The following SMYD3 variants were observed in gnomAD, a reference collection of about 807,000 sequenced individuals.
SMYD3 encodes the protein SET and MYND domain containing 3.
A neutral mutation model predicts 57.7 loss-of-function variants in SMYD3; 36 were observed. The observed-to-expected ratio is 0.62, with a 90% CI of 0.48 to 0.82. SMYD3 has a LOEUF of 0.82. Ranked by LOEUF, SMYD3 falls within the 40% of genes least tolerant of loss-of-function variation. SMYD3 has a pLI of 0.00. For missense variants in SMYD3, 515 were observed against 538.8 expected (o/e 0.96, Z 0.44); for synonymous variants, 211 against 195.0 (o/e 1.08, Z -0.68).
chr1:246,032,384 T>C (rs546082547), intron 5 of SMYD3, among the ~76,000 whole-genome samples: 3 of 152,272 alleles, frequency 2.0e-5, no homozygotes, highest in Admixed American at 2.0e-4. Context: ...TACCCACATA[T>C]TTGCCGCTAA....
chr1:246,050,133 ATC>A, intron 5 of SMYD3, among the ~76,000 whole-genome samples: 1 of 152,248 alleles, frequency 6.6e-6, no homozygotes, highest in African/African-American at 2.4e-5. Flanking sequence ...GAAATGAAAG[ATC>A]AGAGGTTCCA....
intron 5 of SMYD3, among the ~76,000 whole-genome samples, chr1:246,016,385 C>T (rs181581573): frequency 6.6e-4 from 100 of 152,098 alleles, no homozygotes; most frequent in Middle Eastern, 3.4e-3. Flanking sequence ...GAGTTCAGGA[C>T]CAGCTTGGTC....
intron 1 of SMYD3, among the ~76,000 whole-genome samples, chr1:246,374,113 G>A (rs2066233200): frequency 6.6e-6 from 1 of 152,094 alleles, no homozygotes; most frequent in Non-Finnish European, 1.5e-5. Flanking sequence ...AGGGAGAGGA[G>A]ATTGCCAGAG....
At chr1:246,014,397 G>A (rs1237543589) in intron 5 of SMYD3, among the ~76,000 whole-genome samples, 1 of 152,140 alleles carries the variant, frequency 6.6e-6, no homozygotes, top group East Asian at 1.9e-4. Flanking sequence ...ATTTCCTGGT[G>A]GTCAGATAAT....
intron 1 of SMYD3, among the ~76,000 whole-genome samples, chr1:246,359,756 A>G (rs2065959992): frequency 6.6e-6 from 1 of 152,234 alleles, no homozygotes; most frequent in South Asian, 2.1e-4. Context: ...GACAAAATTC[A>G]GCATTCCTTT....
intron 1 of SMYD3, among the ~76,000 whole-genome samples, chr1:246,411,771 A>G (rs2066974186): frequency 1.4e-5 from 2 of 145,436 alleles, no homozygotes; most frequent in South Asian, 4.6e-4. Context: ...TGGGAATTGA[A>G]CAATGAGAAC....
At chr1:246,133,192 A>T (rs192421140) in intron 5 of SMYD3, among the ~76,000 whole-genome samples, 1 of 152,100 alleles carries the variant, frequency 6.6e-6, no homozygotes, top group East Asian at 1.9e-4. Context: ...ATATATAAAG[A>T]ACTCTCAAAA....
At chr1:246,067,457 C>G (rs2787992) in intron 5 of SMYD3, among the ~76,000 whole-genome samples, 98,799 of 152,016 alleles carry the variant, frequency 0.65, 33,710 homozygotes, top group Non-Finnish European at 0.75. Context: ...GTGGGAGTTG[C>G]GGGACAAGGT....
intron 5 of SMYD3, among the ~76,000 whole-genome samples, chr1:246,112,924 G>A (rs2061271879): frequency 6.6e-6 from 1 of 152,194 alleles, no homozygotes; most frequent in Non-Finnish European, 1.5e-5. Context: ...GCTCACGCCT[G>A]TAATCCCAGC....
At chr1:245,778,460 T>G (rs1487394836) in intron 10 of SMYD3, among the ~76,000 whole-genome samples, 1 of 152,222 alleles carries the variant, frequency 6.6e-6, no homozygotes, top group Non-Finnish European at 1.5e-5. Flanking sequence ...CAACACCTGT[T>G]ATCTACCTTT....
At chr1:245,757,965 A>C (rs1402572264) in intron 11 of SMYD3, among the ~76,000 whole-genome samples, 1 of 152,160 alleles carries the variant, frequency 6.6e-6, no homozygotes, top group Non-Finnish European at 1.5e-5. Flanking sequence ...TCCCCAAAAA[A>C]GCCATTGGGA....
At chr1:246,118,893 G>A (rs181616273) in intron 5 of SMYD3, among the ~76,000 whole-genome samples, 105 of 149,700 alleles carry the variant, frequency 7.0e-4, no homozygotes, top group African/African-American at 2.2e-3. Flanking sequence ...ACCTTGAACC[G>A]TGCAGGACCT....
chr1:246,231,173 T>C (rs78442404), intron 5 of SMYD3, among the ~76,000 whole-genome samples: 1 of 152,110 alleles, frequency 6.6e-6, no homozygotes, highest in Non-Finnish European at 1.5e-5. Flanking sequence ...GCAGTCTTAT[T>C]CTCTAAAACT....
chr1:246,454,732 G>C (rs1440151559), intron 1 of SMYD3, among the ~76,000 whole-genome samples: 1 of 152,112 alleles, frequency 6.6e-6, no homozygotes, highest in African/African-American at 2.4e-5. Context: ...ACTGTGCTAG[G>C]CTTTTACTGA....
At chr1:246,432,198 T>C (rs2067307614) in intron 1 of SMYD3, among the ~76,000 whole-genome samples, 1 of 152,240 alleles carries the variant, frequency 6.6e-6, no homozygotes, top group South Asian at 2.1e-4. Context: ...CTATCAGTTA[T>C]GTGACATCCT....
chr1:246,500,495 A>G (rs2103077206), intron 1 of SMYD3, among the ~76,000 whole-genome samples: 1 of 152,322 alleles, frequency 6.6e-6, no homozygotes, highest in South Asian at 2.1e-4. Flanking sequence ...AAAAATTGAT[A>G]TTCCAACTGA....
At chr1:246,301,637 A>G (rs1240469085) in intron 5 of SMYD3, among the ~76,000 whole-genome samples, 2 of 152,326 alleles carry the variant, frequency 1.3e-5, no homozygotes, top group African/African-American at 2.4e-5. Flanking sequence ...AGGGAACACA[A>G]TAACATTTCT....
rs529525682 is a variant in SMYD3 at position 246,064,530 on chromosome 1, C to T, written c.532-134593G>A. ...AACACAAATCTTCCCCAGATATCCC[C>T]GTCTCCCAGTCTAATACCTCATGCC... is the stretch of plus-strand genomic sequence containing the variant. On this transcript the variant is annotated intron_variant, in intron 5 of 11. Transcript: ENST00000490107. 6.6e-5 allele frequency among the ~76,000 whole-genome samples: 10 copies of T among 152,284 alleles called. No individual in the cohort carries two copies. The South Asian group carries it at 1.0e-3, about 16-fold the overall frequency.
chr1:246,206,982 T>C (rs1194175668), intron 5 of SMYD3, among the ~76,000 whole-genome samples: 2 of 152,184 alleles, frequency 1.3e-5, no homozygotes, highest in African/African-American at 4.8e-5. Context: ...ACTCAGAAGC[T>C]TCTGAAGGAA....
Sources: gnomAD v4.1 joint callset for allele counts (sites outside exome capture counted in the v4.1 genomes callset) on GRCh38, gnomAD v4.1.1 for gene constraint, MANE v1.5 for transcripts, NCBI Gene and HGNC (gene_info 2026-07-23, HGNC 2026-07-21) for gene names.